ZBTB16: variants seen among roughly 807,000 people sequenced by gnomAD.
ZBTB16 encodes the protein zinc finger and BTB domain containing 16.
In ZBTB16, 8 loss-of-function variants were observed where a neutral mutation model predicts 56.8. The observed-to-expected ratio is 0.14, with a 90% CI of 0.08 to 0.25. ZBTB16 has a LOEUF of 0.25. Ranked by LOEUF, ZBTB16 falls within the 10% of genes least tolerant of loss-of-function variation. The pLI, the probability that ZBTB16 is intolerant of heterozygous loss-of-function variation, is 1.00. For synonymous variants in ZBTB16, 363 were observed against 368.5 expected (o/e 0.98, Z 0.17); for missense variants, 625 against 903.0 (o/e 0.69, Z 3.95).
At chr11:114,168,815 T>C (rs1219656324) in intron 3 of ZBTB16, among the ~76,000 whole-genome samples, 1 of 151,868 alleles carries the variant, frequency 6.6e-6, no homozygotes, top group African/African-American at 2.4e-5. Flanking sequence ...GTGGGGAGGG[T>C]GGCATAGTAA....
rs1247090089 is a variant in ZBTB16, at chr11:114,069,573, T to C, written c.1268+5005T>C. On this transcript the variant is annotated intron_variant, in intron 2 of 6. Transcript: ENST00000335953. ...GTCTCTCTCAGATGGTCAGCTGCTCTGTTTTTAGTGGTTGATCATGTAGAA... is the reference window on the plus strand; with the variant it reads ...GTCTCTCTCAGATGGTCAGCTGCTCCGTTTTTAGTGGTTGATCATGTAGAA... Among the ~76,000 whole-genome samples the C allele has an allele frequency of 2.0e-5, 3 of 152,372 alleles. No individual in the cohort carries two copies. The East Asian group carries it at 5.8e-4, about 29-fold the overall frequency.
Position 114,186,353 on chromosome 11 carries a change from C to T in ZBTB16, c.1367-599C>T, listed in dbSNP as rs751960484. On this transcript the variant is annotated intron_variant, in intron 3 of 6. Transcript: ENST00000335953. ...GAGAGCAAGAGTGAGGTGTGAGAGA[C>T]GAAGCAGGAAAGAGGAGCACACCCA... is the stretch of plus-strand genomic sequence containing the variant. Among the ~76,000 whole-genome samples, 9 of 152,118 alleles carry T rather than the reference C, an allele frequency of 5.9e-5. 1 individual carries two copies. In the South Asian group the frequency reaches 8.3e-4, roughly 14 times the overall value.
At chr11:114,230,122 C>G (rs1944408169) in intron 4 of ZBTB16, among the ~76,000 whole-genome samples, 1 of 152,128 alleles carries the variant, frequency 6.6e-6, no homozygotes, top group Non-Finnish European at 1.5e-5. Context: ...CTGGCTGGTT[C>G]TGGGTCTGAC....
intron 2 of ZBTB16, among the ~76,000 whole-genome samples, chr11:114,093,338 G>GC (rs1185140678): frequency 3.9e-5 from 4 of 103,772 alleles, no homozygotes; most frequent in Non-Finnish European, 6.1e-5. Context: ...CTGGGGGTGT[G>GC]GAGGGGGGAT....
intron 2 of ZBTB16, among the ~76,000 whole-genome samples, chr11:114,095,746 C>T (rs1940380229): frequency 6.6e-6 from 1 of 152,154 alleles, no homozygotes; most frequent in Admixed American, 6.5e-5. Flanking sequence ...ACCCTAAATC[C>T]CTTTCACCCT....
At chr11:114,171,124 G>A (rs1453096493) in intron 3 of ZBTB16, among the ~76,000 whole-genome samples, 1 of 152,144 alleles carries the variant, frequency 6.6e-6, no homozygotes, top group Non-Finnish European at 1.5e-5. Context: ...TGACCCGGGA[G>A]CAAAGAGAAT....
intron 2 of ZBTB16, among the ~76,000 whole-genome samples, chr11:114,069,390 C>T (rs1183979547): frequency 6.6e-6 from 1 of 152,208 alleles, no homozygotes; most frequent in Non-Finnish European, 1.5e-5. Context: ...CGGCCTATTG[C>T]CTGGTTCTTG....
chr11:114,149,704 C>T (rs1167964876), intron 2 of ZBTB16, among the ~76,000 whole-genome samples: 6 of 152,184 alleles, frequency 3.9e-5, no homozygotes, highest in African/African-American at 1.2e-4. Context: ...ACCCGCTAAG[C>T]ATTCACAGCT....
chr11:114,131,815 T>C (rs1394982983), intron 2 of ZBTB16, among the ~76,000 whole-genome samples: 1 of 152,232 alleles, frequency 6.6e-6, no homozygotes, highest in Non-Finnish European at 1.5e-5. Context: ...TGTGTAAACA[T>C]GTTCATTGGT....
intron 3 of ZBTB16, among the ~76,000 whole-genome samples, chr11:114,185,349 G>A (rs1342522423): frequency 6.6e-6 from 1 of 152,202 alleles, no homozygotes; most frequent in Non-Finnish European, 1.5e-5. Flanking sequence ...AGTGGGATTC[G>A]AACAGATGGA....
At chr11:114,066,974 G>T (rs1168002471) in intron 2 of ZBTB16, among the ~76,000 whole-genome samples, 1 of 151,968 alleles carries the variant, frequency 6.6e-6, no homozygotes, top group Non-Finnish European at 1.5e-5. Context: ...GTTTCACCAT[G>T]TTGGCCAGAA....
intron 2 of ZBTB16, among the ~76,000 whole-genome samples, chr11:114,120,174 G>T (rs117300612): frequency 0.012 from 1,759 of 152,246 alleles, 27 homozygotes; most frequent in Middle Eastern, 0.044. Flanking sequence ...CTTGGAAGGC[G>T]GTTGGCTGAG....
At chr11:114,190,047 T>A (rs1459587486) in intron 4 of ZBTB16, among the ~76,000 whole-genome samples, 1 of 152,152 alleles carries the variant, frequency 6.6e-6, no homozygotes, top group East Asian at 1.9e-4. Context: ...AACTTGAACA[T>A]GCTCCATGAA....
intron 4 of ZBTB16, among the ~76,000 whole-genome samples, chr11:114,218,814 C>T (rs1033909876): frequency 4.6e-5 from 7 of 152,092 alleles, no homozygotes; most frequent in South Asian, 2.1e-4. Flanking sequence ...CAAATCATTG[C>T]GAGAGAAAAG....
intron 3 of ZBTB16, among the ~76,000 whole-genome samples, chr11:114,169,707 G>A (rs1182582318): frequency 3.3e-5 from 5 of 152,174 alleles, no homozygotes; most frequent in Non-Finnish European, 4.4e-5. Context: ...AGCAAGGCTG[G>A]GTGTGCTCAT....
intron 4 of ZBTB16, among the ~76,000 whole-genome samples, chr11:114,195,442 G>A (rs1468087477): frequency 6.6e-6 from 1 of 152,108 alleles, no homozygotes; most frequent in African/African-American, 2.4e-5. Context: ...AGGGGGATGG[G>A]CAAATGACTG....
chr11:114,168,721 T>C (rs557401537), intron 3 of ZBTB16, among the ~76,000 whole-genome samples: 1 of 152,302 alleles, frequency 6.6e-6, no homozygotes, highest in South Asian at 2.1e-4. Flanking sequence ...AGTGCCTAAA[T>C]GCCTGCTTCT....
chr11:114,217,576 T>A (rs963769662), intron 4 of ZBTB16, among the ~76,000 whole-genome samples: 1 of 152,138 alleles, frequency 6.6e-6, no homozygotes, highest in Non-Finnish European at 1.5e-5. Context: ...CAGGTTTGGA[T>A]ATTCAGGTTG....
intron 4 of ZBTB16, among the ~76,000 whole-genome samples, chr11:114,235,769 GTTCC>G (rs566992538): frequency 2.1e-3 from 159 of 76,680 alleles, no homozygotes; most frequent in Admixed American, 5.8e-3. Flanking sequence ...TCCTTCCTTC[GTTCC>G]TTCCTTCCTT....
Sources: gnomAD v4.1 joint callset for allele counts (sites outside exome capture counted in the v4.1 genomes callset) on GRCh38, gnomAD v4.1.1 for gene constraint, MANE v1.5 for transcripts, NCBI Gene and HGNC (gene_info 2026-07-23, HGNC 2026-07-21) for gene names.